KMT2C: variants seen among roughly 807,000 people sequenced by gnomAD.
KMT2C encodes the protein lysine methyltransferase 2C.
Under a neutral mutation model 507.9 loss-of-function variants are expected in KMT2C, and 88 were observed. The ratio of observed to expected loss-of-function variants is 0.17; its 90% CI spans 0.15 to 0.21. The LOEUF (loss-of-function observed/expected upper bound fraction) is 0.21, where lower values mean the gene tolerates loss of function less well. Among genes scored for constraint, KMT2C ranks in the 10% least tolerant of loss-of-function variants. The probability of loss-of-function intolerance (pLI) is 1.00; values close to 1 mark genes in which losing one functional copy is unlikely to be tolerated. For missense variants in KMT2C, 4,954 were observed against 5,957.8 expected (o/e 0.83, Z 5.55); for synonymous variants, 2,049 against 2,080.8 (o/e 0.98, Z 0.42).
At chr7:152,212,483 T>G (rs530380836) in intron 23 of KMT2C, among the ~76,000 whole-genome samples, 2 of 152,328 alleles carry the variant, frequency 1.3e-5, no homozygotes, top group South Asian at 2.1e-4. Context: ...ATTATCCCTG[T>G]GTGCAGATGA....
rs933162710 is a variant in KMT2C at position 152,142,289 on chromosome 7, T to C, written c.14343+2424A>G. Among the ~76,000 whole-genome samples, 51 of 152,260 alleles carry C rather than the reference T, an allele frequency of 3.3e-4. 1 individual carries two copies. Among genetic ancestry groups the C allele is most frequent in the Admixed American group, 1.7e-3 (26 of 15,288 alleles). ...AAGGATATTTTGTAGGGGAAAATTC[T>C]GAATAGTGTAAACTGCTAAAAATTG... On this transcript the variant is annotated intron_variant, in intron 55 of 58. Transcript: ENST00000262189.
At position 152,162,628 on chromosome 7, in the gene KMT2C, C is replaced by T; in HGVS notation, c.10949G>A (p.Ser3650Asn). The change falls in exon 43 of 59, where the codon AGT (serine) becomes AAT (asparagine). Residue 3650 changes from serine (S) to asparagine (N), a missense_variant. Physicochemically the swap from Ser to Asn is conservative, Grantham distance 46. Around this residue, in one of 29 missense-constraint regions of KMT2C, gnomAD observed 801 missense variants for 751.2 expected, o/e 1.07. Coordinates refer to ENST00000262189, the MANE Select transcript of KMT2C (RefSeq NM_170606.3). Reference protein sequence around the residue: ...TTSTPAVSTPSELPQQADQES... With the variant: ...TTSTPAVSTPNELPQQADQES... ...TTGGTCGGCTTGTTGAGGAAGCTCA[C>T]TGGGTGTGCTCACTGCAGGAGTAGA... The T allele has an allele frequency of 6.2e-7, 1 of 1,614,234 alleles. No individual in the cohort carries two copies. Among genetic ancestry groups the T allele is most frequent in the Admixed American group, 1.7e-5 (1 of 60,024 alleles).
intron 26 of KMT2C, 31 bp from the exon 27 acceptor site, chr7:152,199,490 T>C: frequency 1.4e-6 from 2 of 1,408,940 alleles, no homozygotes; most frequent in Non-Finnish European, 1.9e-6. Context: ...ACAAAAATGG[T>C]TAGAAAATTC....
At chr7:152,271,808 G>A (rs947500254) in intron 7 of KMT2C, among the ~76,000 whole-genome samples, 2 of 151,918 alleles carry the variant, frequency 1.3e-5, no homozygotes, top group Admixed American at 6.6e-5. Context: ...ACTGCAAGGT[G>A]GCTACTTTAA....
intron 31 of KMT2C, among the ~76,000 whole-genome samples, chr7:152,192,434 C>T (rs939618240): frequency 2.6e-5 from 4 of 151,860 alleles, no homozygotes; most frequent in East Asian, 1.9e-4. Flanking sequence ...CCCAGCTACT[C>T]GGGAGGCTAA....
chr7:152,168,252 G>A (rs1467386253), intron 41 of KMT2C, among the ~76,000 whole-genome samples: 1 of 152,064 alleles, frequency 6.6e-6, no homozygotes, highest in Non-Finnish European at 1.5e-5. Flanking sequence ...GACATTCGCT[G>A]AAAATAACAT....
chr7:152,138,752 C>A lies in KMT2C; in HGVS notation c.14643+44G>T, dbSNP rs916175188. 6 of 1,209,086 alleles carry A rather than the reference C, an allele frequency of 5.0e-6. No individual in the cohort carries two copies. The highest frequency in any genetic ancestry group is 2.4e-6 in the Non-Finnish European group (2 of 844,010). The allele number at this position is 1,209,086 out of a possible 1,614,324, so 74.9% of individuals were successfully genotyped here. A position where few individuals can be genotyped will look rare whatever the true frequency, so the allele number is the denominator to read the frequency against. On this transcript the variant is annotated intron_variant, in intron 58 of 58. Transcript: ENST00000262189. The surrounding 1 kb of genome is among the most constrained non-coding windows in gnomAD (Gnocchi z 4.2). Reference sequence around the variant, plus strand: ...CTGTGTGAGGAGGGAACTATTCGCCCAGGATCTGAACAACATGGCAGATGC... The same window carrying A: ...CTGTGTGAGGAGGGAACTATTCGCCAAGGATCTGAACAACATGGCAGATGC...
chr7:152,145,045 T>C, intron 54 of KMT2C, 108 bp downstream of exon 54: 1 of 1,440,888 alleles, frequency 6.9e-7, no homozygotes, highest in South Asian at 1.3e-5. Context: ...GTTGGGCACA[T>C]ACACAGCCAG....
chr7:152,316,951 C>T (rs1240438728), intron 3 of KMT2C, among the ~76,000 whole-genome samples: 1 of 152,114 alleles, frequency 6.6e-6, no homozygotes, highest in East Asian at 1.9e-4. Flanking sequence ...AGCTATTAAG[C>T]TTACATTTAT....
At chr7:152,213,819 A>T (rs1017346096) in intron 23 of KMT2C, among the ~76,000 whole-genome samples, 1 of 152,044 alleles carries the variant, frequency 6.6e-6, no homozygotes, top group Non-Finnish European at 1.5e-5. Flanking sequence ...GGCAAACCAC[A>T]CATCTGATAA....
intron 14 of KMT2C, among the ~76,000 whole-genome samples, chr7:152,244,973 T>C (rs1228478162): frequency 7.9e-5 from 12 of 152,256 alleles, no homozygotes; most frequent in African/African-American, 2.7e-4. Context: ...TGATTTGATA[T>C]TTGATAATGG....
Position 152,248,262 on chromosome 7 carries a change from C to T in KMT2C, c.2172G>A (p.Lys724=), listed in dbSNP as rs149303214. Residue 724 remains lysine, a synonymous_variant, in exon 14 of 59, where the codon AAG becomes AAA. Transcript: ENST00000262189. ...AAAGTTCAGAATTTTCTTTCTGTTC[C>T]TTTTCTCCTTGTAGCCTTTCTATAA... is the stretch of plus-strand genomic sequence containing the variant. ...QLVIERLQGE[K]EQKENSELST... The T allele has an allele frequency of 2.1e-5, 34 of 1,613,782 alleles. No individual in the cohort carries two copies. In the African/African-American group the frequency reaches 4.3e-4, roughly 20 times the overall value.
At chr7:152,265,378 G>A (rs2095845083) in intron 7 of KMT2C, among the ~76,000 whole-genome samples, 169 bp from the exon 8 acceptor site, 1 of 152,138 alleles carries the variant, frequency 6.6e-6, no homozygotes, top group South Asian at 2.1e-4. Flanking sequence ...AAACACTGTA[G>A]GGTATTTAAT....
intron 48 of KMT2C, among the ~76,000 whole-genome samples, chr7:152,153,308 G>C (rs117889385): frequency 6.6e-6 from 1 of 152,126 alleles, no homozygotes; most frequent in Non-Finnish European, 1.5e-5. Flanking sequence ...GACACAACCC[G>C]TAAGAACAGA....
At chr7:152,163,927 T>C in intron 42 of KMT2C, 101 bp from the exon 43 acceptor site, 2 of 1,140,252 alleles carry the variant, frequency 1.8e-6, no homozygotes, top group Non-Finnish European at 1.3e-6. Context: ...GAGGGCAGTT[T>C]GGCCCTGCAG....
rs559704887 is a variant in KMT2C at position 152,209,480 on chromosome 7, G to C, written c.3713-2052C>G. Among the ~76,000 whole-genome samples, 8 of 149,420 alleles carry C rather than the reference G, an allele frequency of 5.4e-5. No individual in the cohort carries two copies. In the South Asian group the frequency reaches 1.5e-3, roughly 28 times the overall value. ...AAAAAAAAAAAAAAAAAAAATGACA[G>C]GGAATTTTGAGTTAAGATGGCAGAC... On this transcript the variant is annotated intron_variant, in intron 23 of 58. Transcript: ENST00000262189.
chr7:152,377,250 A>G (rs1238003135), intron 1 of KMT2C, among the ~76,000 whole-genome samples: 1 of 152,308 alleles, frequency 6.6e-6, no homozygotes, highest in African/African-American at 2.4e-5. Context: ...TCCACTGTCA[A>G]GACCTACTGC....
chr7:152,283,586 A>C (rs1226624221), intron 6 of KMT2C, among the ~76,000 whole-genome samples: 1 of 152,204 alleles, frequency 6.6e-6, no homozygotes, highest in Non-Finnish European at 1.5e-5. Flanking sequence ...TACACAGATA[A>C]AACGAGTTTC....
chr7:152,327,470 C>G (rs1379039362), intron 3 of KMT2C, among the ~76,000 whole-genome samples: 1 of 152,160 alleles, frequency 6.6e-6, no homozygotes, highest in East Asian at 1.9e-4. Flanking sequence ...AGAATACTTT[C>G]AGAAGGCTCT....
Sources: gnomAD v4.1 joint callset for allele counts (sites outside exome capture counted in the v4.1 genomes callset) on GRCh38, gnomAD v4.1.1 for gene constraint, gnomAD v4.1.1 regional missense constraint, Gnocchi (gnomAD v3.1) non-coding constraint, MANE v1.5 for transcripts, NCBI Gene and HGNC (gene_info 2026-07-23, HGNC 2026-07-21) for gene names.